The following FBXL18 variants were observed in gnomAD, a reference collection of about 807,000 sequenced individuals.
FBXL18 encodes the protein F-box and leucine rich repeat protein 18, also known as F-box/LRR-repeat protein 18.
Under a neutral mutation model 46.0 loss-of-function variants are expected in FBXL18, and 36 were observed. The ratio of observed to expected loss-of-function variants is 0.78; its 90% confidence interval spans 0.60 to 1.03. FBXL18 has a LOEUF of 1.03. Among genes scored for constraint, FBXL18 ranks in the 50% least tolerant of loss-of-function variants. The probability of loss-of-function intolerance (pLI) is 0.00; values close to 1 mark genes in which losing one functional copy is unlikely to be tolerated. For synonymous variants in FBXL18, 557 were observed against 465.3 expected (o/e 1.20, Z -2.54); for missense variants, 977 against 1,004.1 (o/e 0.97, Z 0.36).
intron 4 of FBXL18, chr7:5,489,333 C>T: frequency 1.9e-6 from 1 of 518,650 alleles, no homozygotes; most frequent in Non-Finnish European, 3.9e-6. Flanking sequence ...GAAACCTTCA[C>T]TTAAAAATAG....
downstream of FBXL18, among the ~76,000 whole-genome samples, chr7:5,474,686 TTTTATTTA>T (rs57021114): frequency 2.0e-4 from 8 of 39,396 alleles, no homozygotes; most frequent in Non-Finnish European, 3.2e-4. Context: ...GCACTTTATT[TTTTATTTA>T]TTTATTTATT....
At position 5,482,035 on chromosome 7, in the gene FBXL18, G is replaced by A. The variant is rs181819457; in HGVS notation, c.2001-104C>T. 1.1e-4 allele frequency: 144 copies of A among 1,366,480 alleles called. No individual in the cohort carries two copies. In the East Asian group the frequency reaches 3.4e-3, roughly 32 times the overall value. 84.6% of individuals were successfully genotyped at this position (1,366,480 alleles called of 1,614,324 possible). Reference sequence around the variant, plus strand: ...CACTCACACCTGCCTCCCCGTCCCGGGCTCACCTGGGGCTCCCAGACAGAC... The same window carrying A: ...CACTCACACCTGCCTCCCCGTCCCGAGCTCACCTGGGGCTCCCAGACAGAC... On this transcript the variant is annotated intron_variant, in intron 4 of 4. Coordinates refer to ENST00000382368, the MANE Select transcript of FBXL18 (RefSeq NM_024963.6).
At chr7:5,510,471 C>T (rs1784503469) in intron 1 of FBXL18, among the ~76,000 whole-genome samples, 1 of 151,818 alleles carries the variant, frequency 6.6e-6, no homozygotes, top group Non-Finnish European at 1.5e-5. Flanking sequence ...ATCACGAGGT[C>T]AGGAGTTCGA....
chr7:5,503,519 C>T (rs553521855), intron 2 of FBXL18, among the ~76,000 whole-genome samples: 1 of 89,394 alleles, frequency 1.1e-5, no homozygotes, highest in African/African-American at 4.7e-5. Flanking sequence ...ATGCCATGCT[C>T]ATTTTTCTCT....
chr7:5,489,983 A>C, intron 4 of FBXL18: 1 of 1,284,004 alleles, frequency 7.8e-7, no homozygotes, highest in Non-Finnish European at 1.0e-6. Flanking sequence ...GCATAGTCTA[A>C]ATTTTTAAAA....
chr7:5,502,407 C>T (rs1230012597), intron 2 of FBXL18, among the ~76,000 whole-genome samples: 1 of 151,840 alleles, frequency 6.6e-6, no homozygotes, highest in Non-Finnish European at 1.5e-5. Flanking sequence ...TGGTGGTGTG[C>T]GCCTTTTATC....
At chr7:5,472,586 TGGAGAGGTCTCATG>T (rs1460654737), downstream of FBXL18, among the ~76,000 whole-genome samples, 1 of 151,976 alleles carries the variant, frequency 6.6e-6, no homozygotes, top group Admixed American at 6.6e-5. Context: ...CAAGGCCACA[TGGAGAGGTCTCATG>T]GAGAGGCCAC....
chr7:5,497,414 G>A (rs1204498448), intron 3 of FBXL18, among the ~76,000 whole-genome samples: 1 of 152,148 alleles, frequency 6.6e-6, no homozygotes, highest in Non-Finnish European at 1.5e-5. Context: ...CCGATCCAGG[G>A]CCTGGTGACT....
intron 1 of FBXL18, among the ~76,000 whole-genome samples, chr7:5,506,256 CTT>C (rs200542556): frequency 9.9e-6 from 1 of 100,686 alleles, no homozygotes. Flanking sequence ...TTTTTTTTTT[CTT>C]TTTTTTTTTA....
At chr7:5,498,696 G>C (rs573950411) in intron 3 of FBXL18, among the ~76,000 whole-genome samples, 104 of 152,222 alleles carry the variant, frequency 6.8e-4, no homozygotes, top group African/African-American at 2.4e-3. Context: ...TCAGCCTCCT[G>C]AGTAGCTGGG....
chr7:5,498,307 C>T (rs1784138572), intron 3 of FBXL18, among the ~76,000 whole-genome samples: 1 of 152,082 alleles, frequency 6.6e-6, no homozygotes, highest in Non-Finnish European at 1.5e-5. Context: ...AGGATGGTCT[C>T]GATCTCCTGA....
At chr7:5,488,731 C>T (rs1034182058) in intron 4 of FBXL18, among the ~76,000 whole-genome samples, 9 of 152,192 alleles carry the variant, frequency 5.9e-5, no homozygotes, top group African/African-American at 1.7e-4. Context: ...GTATGGGGGG[C>T]GAAGGCCCGA....
At chr7:5,492,444 T>G (rs1489474171) in intron 3 of FBXL18, among the ~76,000 whole-genome samples, 1 of 151,180 alleles carries the variant, frequency 6.6e-6, no homozygotes, top group African/African-American at 2.4e-5. Flanking sequence ...TCACGTGACT[T>G]CAGGGGCTGC....
chr7:5,472,655 C>A (rs1321953056), downstream of FBXL18, among the ~76,000 whole-genome samples: 2 of 152,156 alleles, frequency 1.3e-5, no homozygotes, highest in Non-Finnish European at 2.9e-5. Flanking sequence ...CCACTGAGGT[C>A]CAGGTCAACA....
rs1175222104 is a variant in FBXL18, at chr7:5,501,623, G to C, written c.646C>G (p.Gln216Glu). The change falls in exon 3 of 5, where the codon CAG becomes GAG. Residue 216 changes from glutamine to glutamate, a missense_variant. Gln to Glu is a conservative substitution (Grantham distance 29, BLOSUM62 2). Transcript: ENST00000382368. The stretch of plus-strand genomic sequence containing the variant: ...ACGTTGCTCTGGCCCACCATAAGCT[G>C]GCCCGAGAGGATGGCGCCCTCGCGC... The part of the protein sequence containing the change: ...RTREGAILSG[Q>E]LMVGQSNVPH... The C allele has an allele frequency of 6.2e-7, 1 of 1,613,752 alleles. No individual in the cohort carries two copies. The highest frequency in any genetic ancestry group is 8.5e-7 in the Non-Finnish European group (1 of 1,179,952).
chr7:5,474,507 G>A (rs1430736281), downstream of FBXL18, among the ~76,000 whole-genome samples: 2 of 151,644 alleles, frequency 1.3e-5, no homozygotes, highest in African/African-American at 4.8e-5. Context: ...GTAGAGACAA[G>A]GTCTGACTAC....
chr7:5,511,268 C>T (rs1057267632), intron 1 of FBXL18, among the ~76,000 whole-genome samples: 5 of 151,688 alleles, frequency 3.3e-5, no homozygotes, highest in African/African-American at 9.7e-5. Context: ...AACCCCGTCT[C>T]TACTAAAAAT....
At position 5,496,724 on chromosome 7, in the gene FBXL18, A is replaced by G. The variant is rs866442382; in HGVS notation, c.1781+3764T>C. 6.6e-6 allele frequency among the ~76,000 whole-genome samples: 1 copy of G among 152,130 alleles called. No individual in the cohort carries two copies. Among genetic ancestry groups the G allele is most frequent in the Non-Finnish European group, 1.5e-5 (1 of 68,024 alleles). On this transcript the variant is annotated intron_variant, in intron 3 of 4. Transcript: ENST00000382368. The surrounding 1 kb of genome is among the most constrained non-coding windows in gnomAD (Gnocchi z 4.8). ...CAGCAAGACCCCGTCTCTACAAAAA[A>G]TACAAAAAACTAGCCAGGCGGCCGG... is the stretch of plus-strand genomic sequence containing the variant.
downstream of FBXL18, among the ~76,000 whole-genome samples, chr7:5,471,670 A>T (rs1355731381): frequency 6.6e-6 from 1 of 152,160 alleles, no homozygotes; most frequent in Non-Finnish European, 1.5e-5. Flanking sequence ...TCGGCCTCCC[A>T]AAGTGCTTTT....
Sources: allele counts gnomAD v4.1 joint callset (sites outside exome capture counted in the v4.1 genomes callset), GRCh38; gene constraint gnomAD v4.1.1; non-coding constraint Gnocchi (gnomAD v3.1); transcripts MANE v1.5; gene names NCBI Gene and HGNC (gene_info 2026-07-23, HGNC 2026-07-21).